ARHGAP32: variants seen among roughly 807,000 people sequenced by gnomAD.
ARHGAP32 encodes Rho GTPase activating protein 32.
ARHGAP32 carries 51 observed loss-of-function variants against 186.5 expected under a neutral mutation model. That is an observed-to-expected ratio of 0.27 (90% CI 0.22 to 0.35). ARHGAP32 has a LOEUF of 0.35. ARHGAP32 is among the 10% of genes least tolerant of loss of function. ARHGAP32 has a pLI of 1.00. For missense variants in ARHGAP32, 2,186 were observed against 2,623.5 expected, an observed-to-expected ratio of 0.83 and a Z score of 3.64; for synonymous variants, 950 against 964.3, an observed-to-expected ratio of 0.99 and a Z score of 0.27.
intron 5 of ARHGAP32, among the ~76,000 whole-genome samples, chr11:129,112,082 A>G (rs1205084332): frequency 6.6e-6 from 1 of 152,146 alleles, no homozygotes; most frequent in African/African-American, 2.4e-5. Flanking sequence ...GTCTCTACTA[A>G]AAATACAAAA....
chr11:129,180,711 G>C (rs1347774460), intron 1 of ARHGAP32, among the ~76,000 whole-genome samples: 1 of 152,024 alleles, frequency 6.6e-6, no homozygotes, highest in Non-Finnish European at 1.5e-5. Context: ...AAAAGCTGTA[G>C]TTAAGGGCTG....
At chr11:129,031,829 G>A (rs1447214589) in intron 11 of ARHGAP32, among the ~76,000 whole-genome samples, 1 of 152,034 alleles carries the variant, frequency 6.6e-6, no homozygotes, top group Non-Finnish European at 1.5e-5. Context: ...AAAACCCCAG[G>A]CCCTGCCAGC....
At position 129,086,807 on chromosome 11, in the gene ARHGAP32, T is replaced by C. The variant is rs750498560; in HGVS notation, c.531+6814A>G. Among the ~76,000 whole-genome samples the C allele has an allele frequency of 1.3e-3, 168 of 126,096 alleles. 1 individual carries two copies. Among genetic ancestry groups the C allele is most frequent in the South Asian group, 3.9e-3 (16 of 4,118 alleles). The allele number at this position is 126,096 out of a possible 152,430, so 82.7% of individuals were successfully genotyped here. On this transcript the variant is annotated intron_variant, in intron 6 of 22. Coordinates refer to ENST00000682385, the MANE Select transcript of ARHGAP32 (RefSeq NM_001378024.1). ...CTGCACTCCAGCCTGGGCGACAGAG[T>C]GAGACTCCATCTCAAAAAAAAAAAA...
chr11:129,089,558 G>T (rs932961132), intron 6 of ARHGAP32, among the ~76,000 whole-genome samples: 1 of 152,208 alleles, frequency 6.6e-6, no homozygotes, highest in African/African-American at 2.4e-5. Flanking sequence ...ACCACAGCAT[G>T]CGAGTGAGGA....
chr11:129,086,878 T>C (rs1941425336), intron 6 of ARHGAP32, among the ~76,000 whole-genome samples: 1 of 149,432 alleles, frequency 6.7e-6, no homozygotes, highest in South Asian at 2.1e-4. Context: ...ATACACAAAG[T>C]ATTCATAAAA....
intron 1 of ARHGAP32, among the ~76,000 whole-genome samples, chr11:129,233,044 T>C (rs547720611): frequency 5.0e-4 from 76 of 152,310 alleles, no homozygotes; most frequent in Middle Eastern, 3.4e-3. Context: ...ATGAATTTCA[T>C]CATATTCCAA....
intron 1 of ARHGAP32, among the ~76,000 whole-genome samples, chr11:129,179,128 G>A (rs935252813): frequency 1.6e-4 from 25 of 151,846 alleles, no homozygotes; most frequent in African/African-American, 5.1e-4. Flanking sequence ...CAAAAAGTGG[G>A]CGAAGGACAT....
At chr11:129,077,644 C>G (rs1283084675) in intron 6 of ARHGAP32, among the ~76,000 whole-genome samples, 6 of 152,112 alleles carry the variant, frequency 3.9e-5, no homozygotes, top group African/African-American at 1.4e-4. Flanking sequence ...TGCAGCAACC[C>G]TCACCCAAGC....
chr11:128,995,636 C>T (rs574602166), intron 12 of ARHGAP32, among the ~76,000 whole-genome samples: 102 of 152,288 alleles, frequency 6.7e-4, no homozygotes, highest in African/African-American at 2.3e-3. Flanking sequence ...TCCAGGAGTT[C>T]GAGATCAGCC....
chr11:129,043,441 C>A (rs1174049696), intron 10 of ARHGAP32, among the ~76,000 whole-genome samples: 1 of 135,944 alleles, frequency 7.4e-6, no homozygotes, highest in Non-Finnish European at 1.5e-5. Context: ...GTCTGAAGTG[C>A]AACGACGCGA....
chr11:129,108,011 T>A (rs1467893949), intron 5 of ARHGAP32, among the ~76,000 whole-genome samples: 2 of 151,586 alleles, frequency 1.3e-5, no homozygotes, highest in Admixed American at 1.3e-4. Context: ...ATATAAAATA[T>A]ACAGAGGAAA....
At chr11:129,267,411 C>CTGTT (rs34222058) in intron 1 of ARHGAP32, among the ~76,000 whole-genome samples, 46,631 of 151,846 alleles carry the variant, frequency 0.31, 7,453 homozygotes, top group Middle Eastern at 0.4. Context: ...TCTGAATTCT[C>CTGTT]TGACTCTGAT....
chr11:129,178,621 C>A (rs1308900693), intron 1 of ARHGAP32, among the ~76,000 whole-genome samples: 4 of 151,776 alleles, frequency 2.6e-5, no homozygotes, highest in Non-Finnish European at 4.4e-5. Context: ...CAGAACAGAG[C>A]CCTCAGAAAT....
At chr11:129,029,813 A>AAAG (rs1449555024) in intron 11 of ARHGAP32, among the ~76,000 whole-genome samples, 1 of 150,270 alleles carries the variant, frequency 6.7e-6, no homozygotes, top group Non-Finnish European at 1.5e-5. Flanking sequence ...AAAAAAAAAA[A>AAAG]AAAAAAAAAA....
At chr11:129,084,663 G>A (rs1359993284) in intron 6 of ARHGAP32, among the ~76,000 whole-genome samples, 1 of 152,228 alleles carries the variant, frequency 6.6e-6, no homozygotes, top group Admixed American at 6.5e-5. Flanking sequence ...TCCATAACTT[G>A]AGAAAGAGCA....
At chr11:129,204,850 T>G (rs1944496724) in intron 1 of ARHGAP32, among the ~76,000 whole-genome samples, 1 of 152,202 alleles carries the variant, frequency 6.6e-6, no homozygotes, top group African/African-American at 2.4e-5. Context: ...CTTATTTTGA[T>G]TTAAAGTAAG....
chr11:129,231,463 A>G (rs1006677620), intron 1 of ARHGAP32, among the ~76,000 whole-genome samples: 3 of 152,168 alleles, frequency 2.0e-5, no homozygotes, highest in African/African-American at 7.2e-5. Flanking sequence ...ACAACTTTAA[A>G]TTTTTAAAAA....
chr11:129,026,830 T>TA (rs1481654190), intron 11 of ARHGAP32, among the ~76,000 whole-genome samples: 1 of 140,300 alleles, frequency 7.1e-6, no homozygotes, highest in Non-Finnish European at 1.5e-5. Flanking sequence ...CCAGGTGCAG[T>TA]GGCTCACACC....
chr11:129,230,366 G>GT (rs978999306), intron 1 of ARHGAP32, among the ~76,000 whole-genome samples: 2 of 152,146 alleles, frequency 1.3e-5, no homozygotes, highest in African/African-American at 4.8e-5. Context: ...AAAAGTAGTT[G>GT]TTTTTGGACG....
Sources: allele counts gnomAD v4.1 joint callset (sites outside exome capture counted in the v4.1 genomes callset), GRCh38; gene constraint gnomAD v4.1.1; transcripts MANE v1.5; gene names NCBI Gene and HGNC (gene_info 2026-07-23, HGNC 2026-07-21).